Variants in FSTL4 observed in about 807,000 individuals in gnomAD.
The protein encoded by FSTL4 is follistatin like 4.
A neutral mutation model predicts 78.2 loss-of-function variants in FSTL4; 28 were observed. The ratio of observed to expected loss-of-function variants is 0.36; its 90% CI spans 0.27 to 0.49. FSTL4 has a LOEUF of 0.49. Ranked by LOEUF, FSTL4 falls within the 20% of genes least tolerant of loss-of-function variation. The probability of loss-of-function intolerance (pLI) is 0.98; values close to 1 mark genes in which losing one functional copy is unlikely to be tolerated. For synonymous variants in FSTL4, 422 were observed against 440.5 expected, an observed-to-expected ratio of 0.96 and a Z score of 0.53; for missense variants, 922 against 1,084.9, an observed-to-expected ratio of 0.85 and a Z score of 2.11.
At chr5:133,481,637 CA>C (rs1758030570) in intron 3 of FSTL4, among the ~76,000 whole-genome samples, 1 of 150,742 alleles carries the variant, frequency 6.6e-6, no homozygotes, top group Non-Finnish European at 1.5e-5. Flanking sequence ...TTTATTTGTA[CA>C]TTCAATAAAT....
Position 133,202,020 on chromosome 5 carries a change from C to A in FSTL4, c.1739G>T (p.Gly580Val), listed in dbSNP as rs143064419. ...SLQVITEAST[G>V]QSQHLIRTPF... ...TGTGCGGATGAGGTGCTGGCTCTGG[C>A]CGGTGCTGGCTTCTGTGATCACCTA... is the stretch of plus-strand genomic sequence containing the variant. The change falls in exon 15 of 16, where the codon GGC becomes GTC. Residue 580 changes from glycine (G) to valine (V), a missense_variant. Gly to Val is a moderately radical substitution (Grantham distance 109, BLOSUM62 -3). Transcript: ENST00000265342. The A allele has an allele frequency of 1.6e-4, 258 of 1,610,152 alleles. No individual in the cohort carries two copies. The African/African-American group carries it at 3.0e-3, about 19-fold the overall frequency.
At chr5:133,229,586 C>T (rs4958106) in intron 8 of FSTL4, among the ~76,000 whole-genome samples, 1 of 151,786 alleles carries the variant, frequency 6.6e-6, no homozygotes, top group African/African-American at 2.4e-5. Context: ...GAAAAAATAT[C>T]CAAGAACAGC....
chr5:133,563,232 C>T (rs1245535785), intron 3 of FSTL4, among the ~76,000 whole-genome samples: 2 of 152,184 alleles, frequency 1.3e-5, no homozygotes, highest in African/African-American at 2.4e-5. Flanking sequence ...ATCTTTGCTA[C>T]TGTGTCTACC....
In FSTL4 at chr5:133,225,596, T is replaced by G. The variant is rs1432714697; in HGVS notation, c.1177+62A>C. ...AAATTATACCTCTCGTTTCCATTCC[T>G]GGAGTCTCAGCTTGATTTGAATGGG... On this transcript the variant is annotated intron_variant, in intron 9 of 15. Transcript: ENST00000265342. This position sits in a 1 kb window ranked among gnomAD's most constrained non-coding sequence, Gnocchi z 4.6. 6.4e-6 allele frequency: 9 copies of G among 1,398,210 alleles called. No homozygotes were observed. The East Asian group carries it at 2.1e-4, about 32-fold the overall frequency. The allele number at this position is 1,398,210 out of a possible 1,614,324, so 86.6% of individuals were successfully genotyped here. A position where few individuals can be genotyped will look rare whatever the true frequency, so the allele number is the denominator to read the frequency against.
At chr5:133,645,476 A>G in the FSTL4 span, among the ~76,000 whole-genome samples, 4 of 152,138 alleles carry the variant, frequency 2.6e-5, no homozygotes, top group African/African-American at 7.2e-5. Flanking sequence ...TTTCTCTGGT[A>G]CTACCTTTTT....
At chr5:133,737,147 G>A in the FSTL4 span, among the ~76,000 whole-genome samples, 2 of 151,854 alleles carry the variant, frequency 1.3e-5, no homozygotes, top group African/African-American at 4.8e-5. Flanking sequence ...ACCCTATTAT[G>A]CTATCACATA....
At chr5:133,624,237 T>C in the FSTL4 span, among the ~76,000 whole-genome samples, 3 of 152,002 alleles carry the variant, frequency 2.0e-5, no homozygotes, top group Non-Finnish European at 4.4e-5. Context: ...TGAATTGTGG[T>C]ATATGCATAC....
intron 14 of FSTL4, among the ~76,000 whole-genome samples, chr5:133,204,531 C>CA (rs968637528): frequency 2.6e-5 from 4 of 151,964 alleles, no homozygotes; most frequent in Non-Finnish European, 1.5e-5. Flanking sequence ...GTTGCTGGAT[C>CA]AAAAATTACT....
chr5:133,357,965 G>A (rs1754977460), intron 4 of FSTL4, among the ~76,000 whole-genome samples: 1 of 152,214 alleles, frequency 6.6e-6, no homozygotes, highest in Non-Finnish European at 1.5e-5. Flanking sequence ...GGACCAGTCG[G>A]CTTGGGCTGG....
the FSTL4 span, among the ~76,000 whole-genome samples, chr5:133,621,534 A>G: frequency 6.6e-6 from 1 of 152,216 alleles, no homozygotes; most frequent in African/African-American, 2.4e-5. Context: ...TCTCACTGAT[A>G]TGTGGGAGCT....
the FSTL4 span, among the ~76,000 whole-genome samples, chr5:133,806,467 A>G: frequency 1.3e-5 from 2 of 152,366 alleles, no homozygotes; most frequent in Admixed American, 1.3e-4. Context: ...GCATGTCAGT[A>G]AACAAAAGGG....
intron 3 of FSTL4, among the ~76,000 whole-genome samples, chr5:133,521,804 T>C (rs1252484751): frequency 6.6e-6 from 1 of 152,192 alleles, no homozygotes; most frequent in Non-Finnish European, 1.5e-5. Flanking sequence ...GCCATGACAC[T>C]GCACCCATCT....
At chr5:133,598,436 T>C (rs2214998) in intron 2 of FSTL4, among the ~76,000 whole-genome samples, 2,241 of 133,936 alleles carry the variant, frequency 0.017, 38 homozygotes, top group Admixed American at 0.061. Flanking sequence ...CATTCTGCAA[T>C]TGGGAATGGG....
the FSTL4 span, among the ~76,000 whole-genome samples, chr5:133,825,867 C>T: frequency 6.6e-6 from 1 of 152,214 alleles, no homozygotes; most frequent in Non-Finnish European, 1.5e-5. Flanking sequence ...GAGCTGTCTC[C>T]CCCTGTGCTC....
At chr5:133,706,962 C>T in the FSTL4 span, among the ~76,000 whole-genome samples, 1 of 152,130 alleles carries the variant, frequency 6.6e-6, no homozygotes, top group Non-Finnish European at 1.5e-5. Context: ...ATGCAGATGG[C>T]GAGGTAAAGG....
chr5:133,725,483 A>T, the FSTL4 span, among the ~76,000 whole-genome samples: 3 of 152,240 alleles, frequency 2.0e-5, no homozygotes, highest in Non-Finnish European at 2.9e-5. Context: ...AATGTCTTTC[A>T]GATACACATG....
At chr5:133,726,760 G>A in the FSTL4 span, among the ~76,000 whole-genome samples, 3 of 152,134 alleles carry the variant, frequency 2.0e-5, no homozygotes, top group African/African-American at 7.2e-5. Context: ...AGTATGAAGC[G>A]ATTTAATTTG....
chr5:133,805,831 C>T, the FSTL4 span, among the ~76,000 whole-genome samples: 1 of 152,198 alleles, frequency 6.6e-6, no homozygotes, highest in Non-Finnish European at 1.5e-5. Flanking sequence ...GCCCTCAGTT[C>T]CTTGCCAGAC....
At chr5:133,386,880 G>A (rs973675638) in intron 4 of FSTL4, among the ~76,000 whole-genome samples, 1 of 152,198 alleles carries the variant, frequency 6.6e-6, no homozygotes, top group Non-Finnish European at 1.5e-5. Flanking sequence ...ACATAGCCAC[G>A]TGGAGACAGC....
Sources: allele counts gnomAD v4.1 joint callset (sites outside exome capture counted in the v4.1 genomes callset), GRCh38; gene constraint gnomAD v4.1.1; non-coding constraint Gnocchi (gnomAD v3.1); transcripts MANE v1.5; gene names NCBI Gene and HGNC (gene_info 2026-07-23, HGNC 2026-07-21).